ADCK1: variants seen among roughly 807,000 people sequenced by gnomAD.
ADCK1 encodes the protein aarF domain-containing protein kinase 1.
Under a neutral mutation model 52.3 loss-of-function variants are expected in ADCK1, and 41 were observed. The ratio of observed to expected loss-of-function variants is 0.78; its 90% CI spans 0.61 to 1.02. The LOEUF (loss-of-function observed/expected upper bound fraction) is 1.02, where lower values mean the gene tolerates loss of function less well. Among genes scored for constraint, ADCK1 ranks in the 50% least tolerant of loss-of-function variants. The pLI, the probability that ADCK1 is intolerant of heterozygous loss-of-function variation, is 0.00. For synonymous variants in ADCK1, 250 were observed against 274.6 expected (o/e 0.91, Z 0.89); for missense variants, 658 against 679.5 (o/e 0.97, Z 0.35).
At chr14:77,881,855 C>T (rs138555098) in intron 4 of ADCK1, among the ~76,000 whole-genome samples, 148 of 152,270 alleles carry the variant, frequency 9.7e-4, no homozygotes, top group Middle Eastern at 6.8e-3. Flanking sequence ...TTGCTGTTAC[C>T]GTCAGGTCAC....
At chr14:77,820,950 A>T (rs754888900) in intron 2 of ADCK1, 2 of 152,024 alleles carry the variant, frequency 1.3e-5, no homozygotes, top group Non-Finnish European at 2.9e-5. Context: ...TCCTGACCTC[A>T]AGTGATCTGC....
chr14:77,831,632 T>C (rs1421315937), intron 3 of ADCK1, among the ~76,000 whole-genome samples: 2 of 152,212 alleles, frequency 1.3e-5, no homozygotes, highest in African/African-American at 4.8e-5. Context: ...TTGTCCAGGC[T>C]GAAGTGCAGT....
intron 4 of ADCK1, among the ~76,000 whole-genome samples, chr14:77,882,245 C>G (rs995335577): frequency 6.6e-6 from 1 of 151,934 alleles, no homozygotes; most frequent in Non-Finnish European, 1.5e-5. Flanking sequence ...CAGCTGGCAC[C>G]CAGCCAGGTG....
intron 3 of ADCK1, among the ~76,000 whole-genome samples, chr14:77,844,464 G>A (rs1295322097): frequency 6.6e-6 from 1 of 152,156 alleles, no homozygotes; most frequent in Admixed American, 6.6e-5. Flanking sequence ...CAATGCAAAG[G>A]AACCGGTGTC....
intron 7 of ADCK1, among the ~76,000 whole-genome samples, chr14:77,916,717 C>T (rs1291642793): frequency 1.3e-5 from 2 of 152,210 alleles, no homozygotes; most frequent in African/African-American, 2.4e-5. Flanking sequence ...CACAAAGCCC[C>T]TCTTCTTTCT....
At chr14:77,852,272 C>T (rs562774317) in intron 3 of ADCK1, among the ~76,000 whole-genome samples, 22 of 152,302 alleles carry the variant, frequency 1.4e-4, no homozygotes, top group African/African-American at 4.6e-4. Flanking sequence ...GCTGGGATTA[C>T]AGGCATGAGC....
intron 4 of ADCK1, among the ~76,000 whole-genome samples, chr14:77,877,395 A>G (rs1430089097): frequency 1.3e-5 from 2 of 152,218 alleles, no homozygotes; most frequent in African/African-American, 4.8e-5. Flanking sequence ...GGATGCAGGA[A>G]CAACTGAGGG....
At chr14:77,871,662 A>G (rs1469623708) in intron 4 of ADCK1, among the ~76,000 whole-genome samples, 1 of 152,026 alleles carries the variant, frequency 6.6e-6, no homozygotes, top group Non-Finnish European at 1.5e-5. Flanking sequence ...TGCTCCTGGG[A>G]GCTGATACTT....
At chr14:77,855,249 A>G (rs749373716) in intron 3 of ADCK1, among the ~76,000 whole-genome samples, 1 of 152,256 alleles carries the variant, frequency 6.6e-6, no homozygotes, top group Admixed American at 6.5e-5. Context: ...TGATTGAAAC[A>G]AATCCCAATC....
intron 9 of ADCK1, among the ~76,000 whole-genome samples, chr14:77,928,467 T>C (rs2084248547): frequency 1.7e-5 from 1 of 59,302 alleles, no homozygotes; most frequent in South Asian, 6.2e-4. Context: ...GTTTTTGCAT[T>C]TTTTTTTTTT....
chr14:77,818,851 G>A, intron 1 of ADCK1, 117 bp from the exon 2 acceptor site: 1 of 1,192,208 alleles, frequency 8.4e-7, no homozygotes, highest in Non-Finnish European at 1.2e-6. Flanking sequence ...AAGGCTCAGT[G>A]AGATTAATGA....
intron 3 of ADCK1, among the ~76,000 whole-genome samples, chr14:77,857,636 A>AT (rs1248815115): frequency 4.6e-5 from 7 of 152,198 alleles, no homozygotes; most frequent in Non-Finnish European, 1.0e-4. Flanking sequence ...AAACAAAAAA[A>AT]CTTCTTAATT....
At chr14:77,873,217 T>G (rs1210782039) in intron 4 of ADCK1, among the ~76,000 whole-genome samples, 1 of 152,186 alleles carries the variant, frequency 6.6e-6, no homozygotes, top group African/African-American at 2.4e-5. Flanking sequence ...CTAGCTGATT[T>G]ATGTTCACTG....
intron 7 of ADCK1, among the ~76,000 whole-genome samples, chr14:77,912,443 TGTGTG>T (rs1317282092): frequency 2.1e-5 from 3 of 143,676 alleles, no homozygotes; most frequent in Admixed American, 6.7e-5. Context: ...CGTGTGTGTG[TGTGTG>T]TGTGTGTGTG....
chr14:77,865,035 A>G (rs2082633350), intron 4 of ADCK1, among the ~76,000 whole-genome samples: 1 of 152,188 alleles, frequency 6.6e-6, no homozygotes, highest in Non-Finnish European at 1.5e-5. Flanking sequence ...TAATCCCAGC[A>G]CTTTGGGAGG....
chr14:77,874,478 G>A (rs2082854604), intron 4 of ADCK1, among the ~76,000 whole-genome samples: 1 of 152,180 alleles, frequency 6.6e-6, no homozygotes, highest in Admixed American at 6.5e-5. Context: ...GACTGAAGAA[G>A]TCCTTTATGG....
intron 7 of ADCK1, among the ~76,000 whole-genome samples, chr14:77,916,165 G>A (rs1444576740): frequency 6.6e-6 from 1 of 152,160 alleles, no homozygotes; most frequent in Non-Finnish European, 1.5e-5. Context: ...TCCAAGGCCA[G>A]AGATGCCAGA....
chr14:77,866,320 A>G (rs1318969023), intron 4 of ADCK1, among the ~76,000 whole-genome samples: 1 of 152,194 alleles, frequency 6.6e-6, no homozygotes, highest in East Asian at 1.9e-4. Context: ...TTGTTGACCG[A>G]AATGTTGTTA....
intron 3 of ADCK1, among the ~76,000 whole-genome samples, chr14:77,824,727 C>T (rs938304415): frequency 6.6e-6 from 1 of 152,160 alleles, no homozygotes; most frequent in African/African-American, 2.4e-5. Context: ...AGCCACCATG[C>T]CCAGCCCCAA....
Sources: gnomAD v4.1 joint callset for allele counts (sites outside exome capture counted in the v4.1 genomes callset) on GRCh38, gnomAD v4.1.1 for gene constraint, MANE v1.5 for transcripts, NCBI Gene and HGNC (gene_info 2026-07-23, HGNC 2026-07-21) for gene names.